Variants in ODAD1 observed in about 807,000 individuals in gnomAD.
The protein encoded by ODAD1 is outer dynein arm docking complex subunit 1.
In ODAD1, 49 loss-of-function variants were observed where a neutral mutation model predicts 67.2. That is an observed-to-expected ratio of 0.73 (90% CI 0.58 to 0.92). The LOEUF (loss-of-function observed/expected upper bound fraction) is 0.92, where lower values mean the gene tolerates loss of function less well. Among genes scored for constraint, ODAD1 ranks in the 40% least tolerant of loss-of-function variants. The pLI is 0.00. For synonymous variants in ODAD1, 345 were observed against 393.7 expected, an observed-to-expected ratio of 0.88 and a Z score of 1.46; for missense variants, 897 against 953.7, an observed-to-expected ratio of 0.94 and a Z score of 0.78.
In ODAD1 at chr19:48,302,722, C is replaced by T; in HGVS notation, c.1212G>A (p.Val404=). The change falls in exon 12 of 16, where the codon GTG becomes GTA. Residue 404 remains valine, a synonymous_variant. Coordinates refer to ENST00000674294, the MANE Select transcript of ODAD1 (RefSeq NM_001364171.2). Reference sequence around the variant, plus strand: ...CCTTGAGCTTCTCCAGCTGTCCCCGCACATCCTGGAAGCGGGCCTCAAGGC... The same window carrying T: ...CCTTGAGCTTCTCCAGCTGTCCCCGTACATCCTGGAAGCGGGCCTCAAGGC... ...AERLEARFQD[V]RGQLEKLKAD... 6.2e-7 allele frequency: 1 copy of T among 1,612,316 alleles called. No individual in the cohort carries two copies.
chr19:48,300,238 G>C (rs1968424408), intron 12 of ODAD1, among the ~76,000 whole-genome samples: 1 of 152,130 alleles, frequency 6.6e-6, no homozygotes, highest in African/African-American at 2.4e-5. Flanking sequence ...GGGTGGCAGA[G>C]GTTGCAGTGA....
intron 14 of ODAD1, 132 bp from the exon 15 acceptor site, chr19:48,297,800 C>T: frequency 2.1e-6 from 2 of 939,728 alleles, no homozygotes; most frequent in South Asian, 3.6e-5. Context: ...TCTGGGGCAC[C>T]CGGGGCCCCA....
chr19:48,300,544 C>T (rs943820108), intron 12 of ODAD1, among the ~76,000 whole-genome samples: 4 of 151,954 alleles, frequency 2.6e-5, no homozygotes, highest in African/African-American at 7.2e-5. Flanking sequence ...AATTAGATAT[C>T]CTCAAAACTA....
intron 5 of ODAD1, among the ~76,000 whole-genome samples, chr19:48,314,765 A>AC (rs1261293734): frequency 1.3e-5 from 2 of 151,932 alleles, no homozygotes; most frequent in Non-Finnish European, 2.9e-5. Context: ...AAATGGTGAA[A>AC]CCCCATCTCT....
At chr19:48,318,952 G>A in intron 3 of ODAD1, 140 bp from the exon 4 acceptor site, 1 of 616,976 alleles carries the variant, frequency 1.6e-6, no homozygotes, top group South Asian at 1.9e-5. Flanking sequence ...CACCCCTCTA[G>A]GAATGCACCT....
At position 48,298,306 on chromosome 19, in the gene ODAD1, G is replaced by T; in HGVS notation, c.1275C>A (p.Asp425Glu). 6.2e-7 allele frequency: 1 copy of T among 1,614,196 alleles called. No homozygotes were observed. The highest frequency in any genetic ancestry group is 8.5e-7 in the Non-Finnish European group (1 of 1,180,024). Reference sequence around the variant, plus strand: ...CAAGGAGGTCATCGATCATGCTGCTGTCGCAATGGGCCTTGGTGAAGAGGA... The same window carrying T: ...CAAGGAGGTCATCGATCATGCTGCTTTCGCAATGGGCCTTGGTGAAGAGGA... The part of the protein sequence containing the change: ...IQLLFTKAHC[D>E]SSMIDDLLGV... Residue 425 changes from aspartate to glutamate, a missense_variant, in exon 13 of 16, where the codon GAC becomes GAA. Transcript: ENST00000674294.
At position 48,298,024 on chromosome 19, in the gene ODAD1, G is replaced by T; in HGVS notation, c.1478C>A (p.Ala493Asp). The part of the protein sequence containing the change: ...QSLEDLPKKM[A>D]PLQPPDTLED... ...CAGAGTGTCAGGGGGCTGAAGTGGG[G>T]CCATCTTCTTCGGAAGGTCCTCCAG... The change falls in exon 14 of 16, where the codon GCC becomes GAC. Residue 493 changes from alanine to aspartate, a missense_variant. Transcript: ENST00000674294. 6.2e-7 allele frequency: 1 copy of T among 1,613,144 alleles called. No homozygotes were observed. The highest frequency in any genetic ancestry group is 8.5e-7 in the Non-Finnish European group (1 of 1,179,716).
chr19:48,297,725 C>G, intron 14 of ODAD1, 57 bp from the exon 15 acceptor site: 1 of 1,336,824 alleles, frequency 7.5e-7, no homozygotes. Flanking sequence ...AAAAGGCCAG[C>G]GGCCCTTCCT....
chr19:48,300,701 T>A (rs1406254708), intron 12 of ODAD1, among the ~76,000 whole-genome samples: 1 of 152,048 alleles, frequency 6.6e-6, no homozygotes, highest in Admixed American at 6.6e-5. Context: ...AAAAAACAAG[T>A]GCACAAGATT....
chr19:48,303,344 G>A (rs1414055205), intron 10 of ODAD1: 1 of 609,702 alleles, frequency 1.6e-6, no homozygotes, highest in African/African-American at 1.9e-5. Context: ...CAATAGCAAG[G>A]GAGATGGGGA....
chr19:48,313,441 AAAAAACC>A lies in ODAD1; in HGVS notation c.361-1332_361-1326del, dbSNP rs1344161564. On this transcript the variant is annotated intron_variant, in intron 5 of 15. Transcript: ENST00000674294. ...GACTCCATCTCAAAAAAAAAAAAAA[AAAAAACC>A]AAAAAAAAACCTCACATGTTGAAGT... Among the ~76,000 whole-genome samples, 70 of 98,742 alleles carry A rather than the reference AAAAAACC, an allele frequency of 7.1e-4. 6 individuals are homozygous for A. The highest frequency in any genetic ancestry group is 2.0e-3 in the African/African-American group (49 of 24,998). The allele number at this position is 98,742 out of a possible 152,430, so 64.8% of individuals were successfully genotyped here.
At position 48,296,596 on chromosome 19, in the gene ODAD1, G is replaced by C; in HGVS notation, c.*380C>G. The C allele has an allele frequency of 4.2e-6, 1 of 237,736 alleles. No individual in the cohort carries two copies. Among genetic ancestry groups the C allele is most frequent in the Middle Eastern group, 1.7e-3 (1 of 604 alleles). The allele number at this position is 237,736 out of a possible 1,614,324, so 14.7% of individuals were successfully genotyped here. A position where few individuals can be genotyped will look rare whatever the true frequency, so the allele number is the denominator to read the frequency against. ...AGGAGCTACAGAGACAGGGACACAG[G>C]ATGCGTGGAGAGCCTGGGAGATGGA... On this transcript the variant is annotated 3_prime_UTR_variant, in exon 16 of 16. Coordinates refer to ENST00000674294, the MANE Select transcript of ODAD1 (RefSeq NM_001364171.2).
chr19:48,309,154 C>T (rs1968695207), intron 7 of ODAD1, among the ~76,000 whole-genome samples: 1 of 152,128 alleles, frequency 6.6e-6, no homozygotes. Context: ...TCTCCTCTCT[C>T]ACACCCACTC....
chr19:48,311,804 C>T (rs1423056279), intron 6 of ODAD1, 138 bp from the exon 7 acceptor site: 6 of 785,458 alleles, frequency 7.6e-6, no homozygotes, highest in Non-Finnish European at 1.3e-5. Flanking sequence ...TTGGGGTTCC[C>T]GAAATCAATG....
intron 12 of ODAD1, among the ~76,000 whole-genome samples, chr19:48,299,083 C>T (rs1968387173): frequency 6.6e-6 from 1 of 152,252 alleles, no homozygotes; most frequent in Admixed American, 6.5e-5. Context: ...GGAAGCCACA[C>T]ACCAAGGTTC....
At chr19:48,297,894 C>G (rs1414567819) in intron 14 of ODAD1, 106 bp downstream of exon 14, 10 of 945,144 alleles carry the variant, frequency 1.1e-5, no homozygotes, top group Non-Finnish European at 1.6e-5. Flanking sequence ...AGGGCCACAT[C>G]CGCCAGCCAG....
intron 8 of ODAD1, among the ~76,000 whole-genome samples, chr19:48,305,617 G>A (rs1031609524): frequency 5.9e-5 from 9 of 151,910 alleles, no homozygotes; most frequent in African/African-American, 2.2e-4. Context: ...TGTTGGCCAG[G>A]CTGGTCTCGA....
At chr19:48,313,923 C>T (rs1223045928) in intron 5 of ODAD1, among the ~76,000 whole-genome samples, 2 of 151,778 alleles carry the variant, frequency 1.3e-5, no homozygotes, top group Non-Finnish European at 2.9e-5. Flanking sequence ...GACATAGATA[C>T]GCACACAGGG....
In ODAD1 at chr19:48,296,984, G is replaced by A. The variant is rs200369693; in HGVS notation, c.2116C>T (p.Arg706Trp). ...GPGSSTSKDS[R>W]G ...GCTGCGTGCCCCTCGTGTTAGCCCCGGGAGTCTTTGCTGGTGGAGGAGCCC... is the reference window on the plus strand; with the variant it reads ...GCTGCGTGCCCCTCGTGTTAGCCCCAGGAGTCTTTGCTGGTGGAGGAGCCC... Residue 706 changes from arginine (R) to tryptophan (W), a missense_variant, in exon 16 of 16, where the codon CGG becomes TGG. Arg to Trp is a moderately radical substitution (Grantham distance 101). Coordinates refer to ENST00000674294, the MANE Select transcript of ODAD1 (RefSeq NM_001364171.2). 3.0e-5 allele frequency: 48 copies of A among 1,600,920 alleles called. 1 individual carries two copies. Among genetic ancestry groups the A allele is most frequent in the Middle Eastern group, 2.1e-4 (1 of 4,836 alleles).
Sources: allele counts gnomAD v4.1 joint callset (sites outside exome capture counted in the v4.1 genomes callset), GRCh38; gene constraint gnomAD v4.1.1; transcripts MANE v1.5; gene names NCBI Gene and HGNC (gene_info 2026-07-23, HGNC 2026-07-21).